The following DRAXIN variants were observed in gnomAD, a reference collection of about 807,000 sequenced individuals.
DRAXIN encodes the protein dorsal repulsive axon guidance protein.
A neutral mutation model predicts 33.9 loss-of-function variants in DRAXIN; 27 were observed. The observed-to-expected ratio is 0.80, with a 90% CI of 0.59 to 1.10. The LOEUF is 1.10. DRAXIN is among the 50% of genes least tolerant of loss of function. The pLI is 0.00. For synonymous variants in DRAXIN, 178 were observed against 194.0 expected (o/e 0.92, Z 0.69); for missense variants, 371 against 460.8 (o/e 0.81, Z 1.78).
rs1641662884 is a variant in DRAXIN at position 11,721,820 on chromosome 1, A to G, written c.*2124A>G. 1 of 152,116 alleles carries G rather than the reference A, an allele frequency of 6.6e-6. No individual in the cohort carries two copies. The highest frequency in any genetic ancestry group is 1.5e-5 in the Non-Finnish European group (1 of 68,058). 9.4% of individuals were successfully genotyped at this position (152,116 alleles called of 1,614,324 possible). A position where few individuals can be genotyped will look rare whatever the true frequency, so the allele number is the denominator to read the frequency against. Reference sequence around the variant, plus strand: ...GCCAACATGGCAAAACCCGGTCTCTACCAAATATACAAAAATTAAGGCTGG... The same window carrying G: ...GCCAACATGGCAAAACCCGGTCTCTGCCAAATATACAAAAATTAAGGCTGG... On this transcript the variant is annotated 3_prime_UTR_variant, in exon 7 of 7. Coordinates refer to ENST00000294485, the MANE Select transcript of DRAXIN (RefSeq NM_198545.4).
Position 11,706,282 on chromosome 1 carries a change from C to G in DRAXIN, c.24C>G (p.Thr8=). 6.2e-7 allele frequency: 1 copy of G among 1,607,122 alleles called. No homozygotes were observed. The highest frequency in any genetic ancestry group is 8.5e-7 in the Non-Finnish European group (1 of 1,176,952). Residue 8 remains threonine, a synonymous_variant, in exon 2 of 7, where the codon ACC becomes ACG. Coordinates refer to ENST00000294485, the MANE Select transcript of DRAXIN (RefSeq NM_198545.4). The surrounding 1 kb of genome is among the most constrained non-coding windows in gnomAD (Gnocchi z 5.5). MAGPAIH[T]APMLFLVLLL... ...CAATGGCTGGGCCTGCCATCCACAC[C>G]GCTCCCATGCTGTTCCTCGTCCTCC... is the stretch of plus-strand genomic sequence containing the variant.
rs1014131813 is a variant in DRAXIN at position 11,696,414 on chromosome 1, C to T, written c.-11+4561C>T. On this transcript the variant is annotated intron_variant, in intron 1 of 6. Coordinates refer to ENST00000294485, the MANE Select transcript of DRAXIN (RefSeq NM_198545.4). The surrounding 1 kb of genome is among the most constrained non-coding windows in gnomAD (Gnocchi z 4.7). ...CAGCCTGGCCAAGGTGGTAAAACCC[C>T]GTCTCTACTAAAAATACAAAAATTA... Among the ~76,000 whole-genome samples, 1 of 152,078 alleles carries T rather than the reference C, an allele frequency of 6.6e-6. No individual in the cohort carries two copies. The highest frequency in any genetic ancestry group is 1.5e-5 in the Non-Finnish European group (1 of 68,016).
In DRAXIN at chr1:11,711,901, C is replaced by G; in HGVS notation, c.693C>G (p.Ala231=). 1 of 1,614,014 alleles carries G rather than the reference C, an allele frequency of 6.2e-7. No homozygotes were observed. Among genetic ancestry groups the G allele is most frequent in the Non-Finnish European group, 8.5e-7 (1 of 1,179,954 alleles). Reference sequence around the variant, plus strand: ...AGGTGATGCCCACGCTGGACATGGCCTTGTTCGACTGGACCGATTATGAAG... The same window carrying G: ...AGGTGATGCCCACGCTGGACATGGCGTTGTTCGACTGGACCGATTATGAAG... ...DGEVMPTLDM[A]LFDWTDYEDL... is the part of the protein sequence containing the mutation. The change falls in exon 4 of 7, where the codon GCC becomes GCG. Residue 231 remains alanine (A), a synonymous_variant. Coordinates refer to ENST00000294485, the MANE Select transcript of DRAXIN (RefSeq NM_198545.4).
chr1:11,708,026 C>G (rs1046436129), intron 2 of DRAXIN, among the ~76,000 whole-genome samples: 1 of 152,260 alleles, frequency 6.6e-6, no homozygotes, highest in Non-Finnish European at 1.5e-5. Context: ...GCTGGCTTCC[C>G]TGTGAGGCCT....
chr1:11,703,281 G>A (rs1190835471), intron 1 of DRAXIN, among the ~76,000 whole-genome samples: 1 of 152,232 alleles, frequency 6.6e-6, no homozygotes, highest in Non-Finnish European at 1.5e-5. Context: ...AGCACATGGA[G>A]TCAGGGGACT....
At position 11,724,519 on chromosome 1, in the gene DRAXIN, G is replaced by A. The variant is rs1054713775; in HGVS notation, c.*4823G>A. 6.6e-6 allele frequency: 1 copy of A among 152,326 alleles called. No individual in the cohort carries two copies. The highest frequency in any genetic ancestry group is 1.5e-5 in the Non-Finnish European group (1 of 68,120). The allele number at this position is 152,326 out of a possible 1,614,324, so 9.4% of individuals were successfully genotyped here. ...AATGACAGCTTCACAGCCCCTTGAG[G>A]AGTGACCAAGCCACAAAGTAAATCC... On this transcript the variant is annotated 3_prime_UTR_variant, in exon 7 of 7. Coordinates refer to ENST00000294485, the MANE Select transcript of DRAXIN (RefSeq NM_198545.4).
In DRAXIN at chr1:11,720,970, T is replaced by C. The variant is rs1406860607; in HGVS notation, c.*1274T>C. The C allele has an allele frequency of 6.6e-6, 1 of 152,258 alleles. No individual in the cohort carries two copies. The highest frequency in any genetic ancestry group is 1.5e-5 in the Non-Finnish European group (1 of 68,054). 9.4% of individuals were successfully genotyped at this position (152,258 alleles called of 1,614,324 possible). A position where few individuals can be genotyped will look rare whatever the true frequency, so the allele number is the denominator to read the frequency against. Reference sequence around the variant, plus strand: ...TGCAGGAATAAGTTGGGCAGGTTGATCCCTGTGGTCTAGTAGCTGATATCC... The same window carrying C: ...TGCAGGAATAAGTTGGGCAGGTTGACCCCTGTGGTCTAGTAGCTGATATCC... On this transcript the variant is annotated 3_prime_UTR_variant, in exon 7 of 7. Coordinates refer to ENST00000294485, the MANE Select transcript of DRAXIN (RefSeq NM_198545.4).
rs1040519549 is a variant in DRAXIN, at chr1:11,709,445, G to A, written c.622G>A (p.Val208Ile). 6 of 1,613,324 alleles carry A rather than the reference G, an allele frequency of 3.7e-6. No individual in the cohort carries two copies. The highest frequency in any genetic ancestry group is 4.2e-6 in the Non-Finnish European group (5 of 1,179,730). ...PATEESLILPVTSLRPQQAQP... is the reference protein window; with the variant it reads ...PATEESLILPITSLRPQQAQP... ...CACAGAAGAGTCCCTGATCCTGCCCGTCACCTCCCTGCGGCCCCAGGTAAG... is the reference window on the plus strand; with the variant it reads ...CACAGAAGAGTCCCTGATCCTGCCCATCACCTCCCTGCGGCCCCAGGTAAG... The change falls in exon 3 of 7, where the codon GTC becomes ATC. Residue 208 changes from valine (V) to isoleucine (I), a missense_variant. By Grantham distance (29) the Val-to-Ile change is conservative (BLOSUM62 3). Coordinates refer to ENST00000294485, the MANE Select transcript of DRAXIN (RefSeq NM_198545.4).
intron 5 of DRAXIN, among the ~76,000 whole-genome samples, chr1:11,714,253 G>T (rs1341727200): frequency 6.6e-6 from 1 of 152,146 alleles, no homozygotes; most frequent in Non-Finnish European, 1.5e-5. Flanking sequence ...GGTGGGCTAG[G>T]GGTGGGAAAC....
intron 1 of DRAXIN, among the ~76,000 whole-genome samples, chr1:11,700,964 C>T (rs1280297386): frequency 6.6e-6 from 1 of 152,164 alleles, no homozygotes; most frequent in African/African-American, 2.4e-5. Context: ...CTCCTGGCCC[C>T]CAAATGCAAG....
chr1:11,712,521 G>C, intron 5 of DRAXIN, 92 bp downstream of exon 5: 1 of 1,294,536 alleles, frequency 7.7e-7, no homozygotes, highest in Non-Finnish European at 1.1e-6. Flanking sequence ...CAGGACCTGA[G>C]AATCCTTGAC....
chr1:11,721,891 G>A lies in DRAXIN; in HGVS notation c.*2195G>A, dbSNP rs1641663546. 1 of 152,232 alleles carries A rather than the reference G, an allele frequency of 6.6e-6. No homozygotes were observed. Among genetic ancestry groups the A allele is most frequent in the Non-Finnish European group, 1.5e-5 (1 of 68,078 alleles). 9.4% of individuals were successfully genotyped at this position (152,232 alleles called of 1,614,324 possible). ...CATCCCAGCACTCTGGGAGGCCGAG[G>A]TAGGCAGATCACTTGAAGTAAGGCG... is the stretch of plus-strand genomic sequence containing the variant. On this transcript the variant is annotated 3_prime_UTR_variant, in exon 7 of 7. Transcript: ENST00000294485.
At chr1:11,695,142 G>T (rs1404389907) in intron 1 of DRAXIN, among the ~76,000 whole-genome samples, 1 of 152,196 alleles carries the variant, frequency 6.6e-6, no homozygotes, top group African/African-American at 2.4e-5. Context: ...ATGGAGCAGG[G>T]ATGATGAGTC....
At chr1:11,717,267 A>G (rs1475209465) in intron 6 of DRAXIN, among the ~76,000 whole-genome samples, 1 of 152,096 alleles carries the variant, frequency 6.6e-6, no homozygotes, top group Non-Finnish European at 1.5e-5. Context: ...TGGGTGACTG[A>G]GTGAGACTCT....
At chr1:11,708,944 T>C (rs928029485) in intron 2 of DRAXIN, among the ~76,000 whole-genome samples, 4 of 152,208 alleles carry the variant, frequency 2.6e-5, no homozygotes, top group Non-Finnish European at 5.9e-5. Flanking sequence ...AAGCCTTCCA[T>C]GGTTAATCCT....
chr1:11,710,921 CA>C (rs57916288), intron 3 of DRAXIN, among the ~76,000 whole-genome samples: 49 of 90,118 alleles, frequency 5.4e-4, no homozygotes, highest in South Asian at 1.1e-3. Context: ...GACTCCATCT[CA>C]AAAAAAAAAA....
At chr1:11,719,042 A>G (rs1433806965) in intron 6 of DRAXIN, among the ~76,000 whole-genome samples, 1 of 152,124 alleles carries the variant, frequency 6.6e-6, no homozygotes, top group Non-Finnish European at 1.5e-5. Context: ...CGGGGATTAC[A>G]GGCACCCACC....
chr1:11,711,438 C>T (rs1312953971), intron 3 of DRAXIN, among the ~76,000 whole-genome samples: 4 of 152,176 alleles, frequency 2.6e-5, no homozygotes, highest in African/African-American at 4.8e-5. Context: ...AATGGTGCCA[C>T]GGATTGCTGG....
chr1:11,719,648 G>A lies in DRAXIN; in HGVS notation c.1002G>A (p.Val334=), dbSNP rs1641631172. The A allele has an allele frequency of 1.9e-6, 3 of 1,614,136 alleles. No individual in the cohort carries two copies. The highest frequency in any genetic ancestry group is 1.7e-6 in the Non-Finnish European group (2 of 1,180,004). ...RRVTRRKGRC[V]EPETANGDQG... is the part of the protein sequence containing the mutation. ...TTACACGGAGGAAAGGGCGCTGTGT[G>A]GAGCCCGAGACGGCCAACGGCGACC... Residue 334 remains valine, a synonymous_variant, in exon 7 of 7, where the codon GTG becomes GTA. Coordinates refer to ENST00000294485, the MANE Select transcript of DRAXIN (RefSeq NM_198545.4).
Sources: allele counts gnomAD v4.1 joint callset (sites outside exome capture counted in the v4.1 genomes callset), GRCh38; gene constraint gnomAD v4.1.1; non-coding constraint Gnocchi (gnomAD v3.1); transcripts MANE v1.5; gene names NCBI Gene and HGNC (gene_info 2026-07-23, HGNC 2026-07-21).